The following NTN1 variants were observed in gnomAD, a reference collection of about 807,000 sequenced individuals.
The protein encoded by NTN1 is netrin-1.
A neutral mutation model predicts 54.2 loss-of-function variants in NTN1; 11 were observed. That is an observed-to-expected ratio of 0.20 (90% confidence interval 0.13 to 0.34). The LOEUF is 0.34. Ranked by LOEUF, NTN1 falls within the 10% of genes least tolerant of loss-of-function variation. NTN1 has a pLI of 1.00. For synonymous variants in NTN1, 371 were observed against 382.0 expected (o/e 0.97, Z 0.33); for missense variants, 740 against 893.1 (o/e 0.83, Z 2.18).
chr17:9,091,615 G>A lies in NTN1; in HGVS notation c.1018+68224G>A, dbSNP rs577896206. 3.4e-4 allele frequency among the ~76,000 whole-genome samples: 52 copies of A among 152,030 alleles called. 3 individuals are homozygous for A. Among genetic ancestry groups the A allele is most frequent in the African/African-American group, 1.2e-3 (51 of 41,448 alleles). ...ATTACAGGCATGTGCCACCACGCCC[G>A]GCTGATTTTGTATTTTTAGTAGAGA... On this transcript the variant is annotated intron_variant, in intron 2 of 6. Transcript: ENST00000173229.
chr17:9,014,009 A>C, the NTN1 span, among the ~76,000 whole-genome samples: 1 of 152,218 alleles, frequency 6.6e-6, no homozygotes. Flanking sequence ...GGTAGATTAA[A>C]GGATTTGGAG....
intron 2 of NTN1, among the ~76,000 whole-genome samples, chr17:9,104,578 G>A (rs2092159985): frequency 6.6e-6 from 1 of 152,194 alleles, no homozygotes; most frequent in Non-Finnish European, 1.5e-5. Context: ...GACCTTGGAG[G>A]TAGCAATAGG....
chr17:9,235,909 G>A (rs893781810), intron 6 of NTN1, among the ~76,000 whole-genome samples: 1 of 151,842 alleles, frequency 6.6e-6, no homozygotes, highest in Admixed American at 6.6e-5. Flanking sequence ...CCACTGCCAC[G>A]CCCAGCTAAT....
intron 2 of NTN1, among the ~76,000 whole-genome samples, chr17:9,027,356 T>C (rs912487116): frequency 6.6e-6 from 1 of 152,326 alleles, no homozygotes; most frequent in Admixed American, 6.5e-5. Context: ...ATAGGGACTG[T>C]AATTGTACTT....
At chr17:9,227,218 C>T (rs1375587277) in intron 6 of NTN1, among the ~76,000 whole-genome samples, 1 of 77,298 alleles carries the variant, frequency 1.3e-5, no homozygotes, top group African/African-American at 6.0e-5. Flanking sequence ...TGCATGCACA[C>T]ACCATCACAT....
chr17:9,038,807 A>G (rs546834760), intron 2 of NTN1, among the ~76,000 whole-genome samples: 1 of 151,902 alleles, frequency 6.6e-6, no homozygotes, highest in Non-Finnish European at 1.5e-5. Flanking sequence ...AATTTTTTTA[A>G]ACTTACATTT....
chr17:9,018,385 A>G (rs1487492334), upstream of NTN1, among the ~76,000 whole-genome samples: 1 of 152,062 alleles, frequency 6.6e-6, no homozygotes, highest in Non-Finnish European at 1.5e-5. Context: ...TAATCCCAGC[A>G]CTTTGGGAGG....
intron 5 of NTN1, among the ~76,000 whole-genome samples, chr17:9,205,549 C>T (rs1043281874): frequency 6.6e-6 from 1 of 152,250 alleles, no homozygotes; most frequent in Non-Finnish European, 1.5e-5. Flanking sequence ...TTGGAGCCCA[C>T]GGGTTCGAGG....
intron 5 of NTN1, among the ~76,000 whole-genome samples, chr17:9,207,994 G>A (rs892482879): frequency 6.6e-6 from 1 of 152,186 alleles, no homozygotes; most frequent in African/African-American, 2.4e-5. Flanking sequence ...GGCACTTTGG[G>A]AGGCTGAGGC....
chr17:9,222,233 C>T (rs1905383614), intron 6 of NTN1, among the ~76,000 whole-genome samples: 3 of 152,234 alleles, frequency 2.0e-5, no homozygotes, highest in South Asian at 4.1e-4. Context: ...CACCTCCCTC[C>T]GTCCTCCTCC....
chr17:9,226,568 C>T (rs183129338), intron 6 of NTN1, among the ~76,000 whole-genome samples: 84 of 151,666 alleles, frequency 5.5e-4, no homozygotes, highest in African/African-American at 1.6e-3. Flanking sequence ...GTCACCTGGC[C>T]GCCCTCTCCT....
the NTN1 span, among the ~76,000 whole-genome samples, chr17:9,015,992 T>C: frequency 6.6e-6 from 1 of 151,954 alleles, no homozygotes; most frequent in African/African-American, 2.4e-5. Context: ...GAGAATTGCT[T>C]GAACCCAGGA....
chr17:9,129,056 G>A (rs959925967), intron 2 of NTN1, among the ~76,000 whole-genome samples: 2 of 152,116 alleles, frequency 1.3e-5, no homozygotes, highest in African/African-American at 4.8e-5. Flanking sequence ...GTCCCTCTCC[G>A]CGGTAACACT....
At chr17:9,237,699 C>A (rs1906036365) in intron 6 of NTN1, among the ~76,000 whole-genome samples, 1 of 152,330 alleles carries the variant, frequency 6.6e-6, no homozygotes, top group Non-Finnish European at 1.5e-5. Flanking sequence ...TCGTATTCAG[C>A]TCAGTCCTGG....
intron 5 of NTN1, among the ~76,000 whole-genome samples, chr17:9,195,040 C>G (rs1471145007): frequency 6.6e-6 from 1 of 152,052 alleles, no homozygotes; most frequent in African/African-American, 2.4e-5. Flanking sequence ...TCTCTCTCTC[C>G]TACACCCCCT....
chr17:9,205,295 G>A (rs922165697), intron 5 of NTN1, among the ~76,000 whole-genome samples: 1 of 152,204 alleles, frequency 6.6e-6, no homozygotes, highest in Non-Finnish European at 1.5e-5. Flanking sequence ...GCTACACGGA[G>A]GTTCTGCCTG....
chr17:9,181,140 C>T (rs2092417906), intron 4 of NTN1, among the ~76,000 whole-genome samples: 1 of 152,168 alleles, frequency 6.6e-6, no homozygotes, highest in African/African-American at 2.4e-5. Flanking sequence ...TCTCATTTCC[C>T]AGCCTGTGCC....
intron 6 of NTN1, among the ~76,000 whole-genome samples, chr17:9,234,873 A>G (rs1453779771): frequency 6.6e-6 from 1 of 151,880 alleles, no homozygotes; most frequent in Non-Finnish European, 1.5e-5. Context: ...CACTTCAGAG[A>G]ATGGCCATTC....
intron 5 of NTN1, among the ~76,000 whole-genome samples, chr17:9,193,740 T>A (rs920789631): frequency 1.3e-5 from 2 of 151,280 alleles, no homozygotes; most frequent in East Asian, 3.9e-4. Context: ...CTGACCAACA[T>A]GGAGAAACCC....
Sources: gnomAD v4.1 joint callset for allele counts (sites outside exome capture counted in the v4.1 genomes callset) on GRCh38, gnomAD v4.1.1 for gene constraint, MANE v1.5 for transcripts, NCBI Gene and HGNC (gene_info 2026-07-23, HGNC 2026-07-21) for gene names.